The following TTLL11 variants were observed in gnomAD, a reference collection of about 807,000 sequenced individuals.
TTLL11 encodes tubulin tyrosine ligase like 11, also known as tubulin polyglutamylase TTLL11.
TTLL11 carries 42 observed loss-of-function variants against 51.7 expected under a neutral mutation model. That is an observed-to-expected ratio of 0.81 (90% CI 0.64 to 1.05). TTLL11 has a LOEUF of 1.05. Among genes scored for constraint, TTLL11 ranks in the 50% least tolerant of loss-of-function variants. The pLI is 0.00. For missense variants in TTLL11, 799 were observed against 940.4 expected (o/e 0.85, Z 1.97); for synonymous variants, 381 against 383.5 (o/e 0.99, Z 0.08).
chr9:121,870,778 C>T (rs1838331845), intron 6 of TTLL11, 30 bp from the exon 7 acceptor site: 1 of 1,494,524 alleles, frequency 6.7e-7, no homozygotes, highest in African/African-American at 1.4e-5. Context: ...AATGATATAA[C>T]ACTTTCCCTT....
At chr9:121,975,225 G>A (rs964330545) in intron 4 of TTLL11, among the ~76,000 whole-genome samples, 3 of 152,182 alleles carry the variant, frequency 2.0e-5, no homozygotes, top group African/African-American at 7.2e-5. Context: ...CGTCTGAAGG[G>A]CTGTTGATGA....
At chr9:122,030,008 G>A (rs1160733222) in intron 3 of TTLL11, among the ~76,000 whole-genome samples, 1 of 152,136 alleles carries the variant, frequency 6.6e-6, no homozygotes, top group African/African-American at 2.4e-5. Context: ...GCCTGGATGT[G>A]TAGGAGCCTA....
At chr9:122,038,090 A>G (rs777056644) in intron 2 of TTLL11, among the ~76,000 whole-genome samples, 73 of 152,238 alleles carry the variant, frequency 4.8e-4, no homozygotes, top group Non-Finnish European at 6.0e-4. Flanking sequence ...CCATGCAAAA[A>G]GGATGAGTAA....
intron 1 of TTLL11, among the ~76,000 whole-genome samples, chr9:122,049,695 C>A (rs1845108233): frequency 6.6e-6 from 1 of 152,164 alleles, no homozygotes; most frequent in Non-Finnish European, 1.5e-5. Context: ...TTGAGCAAAT[C>A]TGTGTTTAAG....
chr9:121,862,399 C>A (rs1838039167), intron 7 of TTLL11, among the ~76,000 whole-genome samples: 1 of 152,150 alleles, frequency 6.6e-6, no homozygotes, highest in African/African-American at 2.4e-5. Context: ...TGCCAAGAAC[C>A]CAGCATGGTG....
In TTLL11 at chr9:121,974,964, T is replaced by C. The variant is rs896555489; in HGVS notation, c.1285A>G (p.Ile429Val). Residue 429 changes from isoleucine to valine, a missense_variant, in exon 5 of 9, where the codon ATT becomes GTT. By Grantham distance (29) the Ile-to-Val change is conservative. Around this residue, in one of 3 missense-constraint regions of TTLL11, gnomAD observed 468 missense variants for 612.8 expected, o/e 0.76. Transcript: ENST00000321582. ...GGCTTCAGATTTTTCATTAGAAGAA[T>C]GTCAAAGCCTAAAATCTGGGCAGGA... ...PTCFQILGFD[I>V]LLMKNLKPIL... The C allele has an allele frequency of 1.3e-6, 2 of 1,541,382 alleles. No homozygotes were observed. The highest frequency in any genetic ancestry group is 4.2e-5 in the Admixed American group (2 of 47,448).
chr9:121,979,254 T>C (rs1358304947), intron 4 of TTLL11, among the ~76,000 whole-genome samples: 1 of 152,122 alleles, frequency 6.6e-6, no homozygotes, highest in Non-Finnish European at 1.5e-5. Flanking sequence ...GGAGTGGGCT[T>C]GGAGGAGGAG....
chr9:121,849,995 A>AAC (rs1418240213), intron 8 of TTLL11, among the ~76,000 whole-genome samples: 2 of 152,186 alleles, frequency 1.3e-5, no homozygotes, highest in Non-Finnish European at 2.9e-5. Context: ...TATAATACCT[A>AAC]ACACAATGTA....
intron 8 of TTLL11, among the ~76,000 whole-genome samples, chr9:121,837,384 C>T (rs1837209710): frequency 6.6e-6 from 1 of 152,080 alleles, no homozygotes; most frequent in Admixed American, 6.5e-5. Context: ...CAAGGATCAG[C>T]ACTGAGGAGG....
intron 1 of TTLL11, among the ~76,000 whole-genome samples, chr9:122,069,216 G>T (rs967548033): frequency 2.0e-5 from 3 of 152,182 alleles, no homozygotes; most frequent in Admixed American, 6.5e-5. Flanking sequence ...GTTCTAAGGG[G>T]CTGGGAATAC....
chr9:121,965,414 C>G (rs1006394111), intron 6 of TTLL11, among the ~76,000 whole-genome samples: 5 of 152,180 alleles, frequency 3.3e-5, no homozygotes, highest in Non-Finnish European at 5.9e-5. Flanking sequence ...GAAGCGGGAG[C>G]TGCCACACAG....
chr9:121,942,503 G>A (rs931166370), intron 6 of TTLL11, among the ~76,000 whole-genome samples: 1 of 152,052 alleles, frequency 6.6e-6, no homozygotes, highest in Non-Finnish European at 1.5e-5. Flanking sequence ...CTGTAACCCT[G>A]TAACCCCAGC....
At chr9:121,973,668 C>T (rs1842630014) in intron 6 of TTLL11, among the ~76,000 whole-genome samples, 1 of 152,094 alleles carries the variant, frequency 6.6e-6, no homozygotes, top group African/African-American at 2.4e-5. Context: ...GGGTGCAGCA[C>T]ACCAACATGG....
At chr9:121,859,404 G>C (rs1368532109) in intron 8 of TTLL11, among the ~76,000 whole-genome samples, 1 of 152,124 alleles carries the variant, frequency 6.6e-6, no homozygotes, top group Non-Finnish European at 1.5e-5. Flanking sequence ...GGGAGGCTGA[G>C]GCAGGATAAC....
At chr9:121,841,849 T>A (rs1035201911) in intron 8 of TTLL11, among the ~76,000 whole-genome samples, 1 of 151,914 alleles carries the variant, frequency 6.6e-6, no homozygotes, top group African/African-American at 2.4e-5. Flanking sequence ...GTATGACAAC[T>A]AAAAATGTCT....
At chr9:121,837,312 A>AGTAT (rs1564265893) in intron 8 of TTLL11, among the ~76,000 whole-genome samples, 46 of 151,280 alleles carry the variant, frequency 3.0e-4, no homozygotes, top group Non-Finnish European at 6.4e-4. Context: ...TTATGGGTCA[A>AGTAT]GTATTATTTT....
intron 3 of TTLL11, among the ~76,000 whole-genome samples, chr9:122,010,061 G>A (rs1843753938): frequency 6.6e-6 from 1 of 151,982 alleles, no homozygotes. Flanking sequence ...CTAGTATTGA[G>A]CTTTATTATG....
In TTLL11 at chr9:121,944,318, G is replaced by A. The variant is rs764193338; in HGVS notation, c.1481+29691C>T. Among the ~76,000 whole-genome samples, 24 of 152,216 alleles carry A rather than the reference G, an allele frequency of 1.6e-4. No individual in the cohort carries two copies. In the East Asian group the frequency reaches 2.3e-3, roughly 15 times the overall value. On this transcript the variant is annotated intron_variant, in intron 6 of 8. Transcript: ENST00000321582. ...AGATCAGAAGTTTGAGACCAGCCCGGCCAACATGACGAATCCCCGCCTCCA... is the reference window on the plus strand; with the variant it reads ...AGATCAGAAGTTTGAGACCAGCCCGACCAACATGACGAATCCCCGCCTCCA...
intron 6 of TTLL11, among the ~76,000 whole-genome samples, chr9:121,908,385 G>A (rs1056107486): frequency 6.6e-6 from 1 of 152,046 alleles, no homozygotes; most frequent in Admixed American, 6.6e-5. Flanking sequence ...TTAGGACCGG[G>A]GCCAAGGCAG....
Sources: gnomAD v4.1 joint callset for allele counts (sites outside exome capture counted in the v4.1 genomes callset) on GRCh38, gnomAD v4.1.1 for gene constraint, gnomAD v4.1.1 regional missense constraint, MANE v1.5 for transcripts, NCBI Gene and HGNC (gene_info 2026-07-23, HGNC 2026-07-21) for gene names.